The following CALN1 variants were observed in gnomAD, a reference collection of about 807,000 sequenced individuals.
CALN1 encodes the protein calcium-binding protein 8.
In CALN1, 17 loss-of-function variants were observed where a neutral mutation model predicts 30.6. That is an observed-to-expected ratio of 0.56 (90% CI 0.38 to 0.83). CALN1 has a LOEUF of 0.83. CALN1 is among the 40% of genes least tolerant of loss of function. The probability of loss-of-function intolerance (pLI) is 0.00; values close to 1 mark genes in which losing one functional copy is unlikely to be tolerated. For missense variants in CALN1, 291 were observed against 354.9 expected (o/e 0.82, Z 1.45); for synonymous variants, 156 against 131.4 (o/e 1.19, Z -1.28).
At chr7:71,831,254 GTGGATCA>G (rs1456496100) in intron 5 of CALN1, among the ~76,000 whole-genome samples, 1 of 152,170 alleles carries the variant, frequency 6.6e-6, no homozygotes, top group Non-Finnish European at 1.5e-5. Flanking sequence ...GCCGAGGCAG[GTGGATCA>G]TGAGATCAGG....
At chr7:72,280,853 A>T (rs1585348262) in intron 2 of CALN1, among the ~76,000 whole-genome samples, 1 of 152,124 alleles carries the variant, frequency 6.6e-6, no homozygotes, top group Admixed American at 6.5e-5. Context: ...TTATAAAAGG[A>T]TGAGTTCAGT....
intron 3 of CALN1, among the ~76,000 whole-genome samples, chr7:72,168,757 C>T (rs1455326454): frequency 1.3e-5 from 2 of 151,448 alleles, no homozygotes; most frequent in African/African-American, 4.8e-5. Flanking sequence ...TTTTGTGTCC[C>T]CTTTCTGAGA....
chr7:71,836,036 C>T (rs919401338), intron 5 of CALN1, among the ~76,000 whole-genome samples: 2 of 152,182 alleles, frequency 1.3e-5, no homozygotes, highest in African/African-American at 2.4e-5. Context: ...TCGGTCATGA[C>T]CTCTTGCACC....
chr7:72,426,933 C>T (rs1807817044), intron 1 of CALN1, among the ~76,000 whole-genome samples: 2 of 152,188 alleles, frequency 1.3e-5, no homozygotes, highest in South Asian at 4.1e-4. Context: ...TCTTCCCCCT[C>T]CCACAGGAGC....
intron 3 of CALN1, among the ~76,000 whole-genome samples, chr7:72,107,698 T>G (rs1393611685): frequency 6.6e-6 from 1 of 152,192 alleles, no homozygotes; most frequent in Non-Finnish European, 1.5e-5. Flanking sequence ...ATAAACCCAG[T>G]GCAAGCCCAG....
At chr7:72,486,410 C>T in the CALN1 span, among the ~76,000 whole-genome samples, 5 of 151,930 alleles carry the variant, frequency 3.3e-5, no homozygotes, top group African/African-American at 7.3e-5. Context: ...CTTGTTCTGT[C>T]GCCCAGGCTG....
At chr7:72,266,855 A>T (rs1796629564) in intron 3 of CALN1, among the ~76,000 whole-genome samples, 2 of 152,198 alleles carry the variant, frequency 1.3e-5, no homozygotes, top group Admixed American at 1.3e-4. Flanking sequence ...CTGCTAACAA[A>T]GCCTCACAAC....
At chr7:72,134,886 T>G (rs1809398234) in intron 3 of CALN1, among the ~76,000 whole-genome samples, 1 of 152,260 alleles carries the variant, frequency 6.6e-6, no homozygotes, top group South Asian at 2.1e-4. Context: ...TTTTAAGCCT[T>G]GCCACTGTTT....
At chr7:71,937,654 T>C (rs889619110) in intron 5 of CALN1, among the ~76,000 whole-genome samples, 1 of 151,980 alleles carries the variant, frequency 6.6e-6, no homozygotes, top group African/African-American at 2.4e-5. Context: ...AATTTTAAAA[T>C]GTTTTTGTAG....
At chr7:72,270,855 T>C (rs1043233069) in intron 3 of CALN1, among the ~76,000 whole-genome samples, 3 of 152,208 alleles carry the variant, frequency 2.0e-5, no homozygotes, top group Non-Finnish European at 4.4e-5. Context: ...TCCAATGGTA[T>C]CGAACTGAAC....
chr7:71,854,455 T>C (rs1392202253), intron 5 of CALN1, among the ~76,000 whole-genome samples: 4 of 152,140 alleles, frequency 2.6e-5, no homozygotes, highest in African/African-American at 9.7e-5. Flanking sequence ...ATCAGGAATG[T>C]GCTATTTATT....
chr7:72,293,709 C>T lies in CALN1; in HGVS notation c.120-14899G>A, dbSNP rs1457370030. On this transcript the variant is annotated intron_variant, in intron 2 of 6. Coordinates refer to ENST00000395275, the MANE Select transcript of CALN1 (RefSeq NM_031468.4). ...CTATGTTGATAGCAGAAAAAGCACC[C>T]ATGTTAGCTTAGGACACTGACAGAG... Among the ~76,000 whole-genome samples the T allele has an allele frequency of 2.0e-5, 3 of 152,106 alleles. No homozygotes were observed. In the East Asian group the frequency reaches 5.8e-4, roughly 29 times the overall value.
chr7:72,026,719 A>G (rs866045026), intron 4 of CALN1, among the ~76,000 whole-genome samples: 1 of 152,128 alleles, frequency 6.6e-6, no homozygotes, highest in Non-Finnish European at 1.5e-5. Flanking sequence ...CCTGACCTTA[A>G]TAACTTCATT....
intron 3 of CALN1, among the ~76,000 whole-genome samples, chr7:72,149,077 C>T (rs1369365901): frequency 6.6e-6 from 1 of 152,134 alleles, no homozygotes; most frequent in African/African-American, 2.4e-5. Flanking sequence ...TTTCCCTTCA[C>T]CTTCTGCCAT....
intron 3 of CALN1, among the ~76,000 whole-genome samples, chr7:72,184,998 TCTCA>T (rs2129546383): frequency 6.6e-6 from 1 of 152,000 alleles, no homozygotes; most frequent in African/African-American, 2.4e-5. Flanking sequence ...GAGATGAAGG[TCTCA>T]CTGTGTTGTC....
Position 71,930,230 on chromosome 7 carries a change from G to C in CALN1, c.501+93427C>G, listed in dbSNP as rs146047711. Reference sequence around the variant, plus strand: ...AACCCACGGATACAGAGTGCCAACTGTACTTACTGGTATCTGTCTTTTTCA... The same window carrying C: ...AACCCACGGATACAGAGTGCCAACTCTACTTACTGGTATCTGTCTTTTTCA... On this transcript the variant is annotated intron_variant, in intron 5 of 6. Coordinates refer to ENST00000395275, the MANE Select transcript of CALN1 (RefSeq NM_031468.4). Among the ~76,000 whole-genome samples the C allele has an allele frequency of 1.3e-3, 196 of 152,304 alleles. No homozygotes were observed. The Middle Eastern group carries it at 0.02, about 16-fold the overall frequency.
chr7:72,088,928 C>G (rs1035180581), intron 4 of CALN1, among the ~76,000 whole-genome samples: 6 of 151,896 alleles, frequency 4.0e-5, no homozygotes, highest in African/African-American at 1.5e-4. Flanking sequence ...TTGAAGTAGA[C>G]TTCCTGAAAA....
intron 2 of CALN1, among the ~76,000 whole-genome samples, chr7:72,376,520 A>AAT (rs1299364250): frequency 6.6e-6 from 1 of 152,202 alleles, no homozygotes; most frequent in Non-Finnish European, 1.5e-5. Context: ...TCTTTGGAGA[A>AAT]ATATCTACTC....
At chr7:72,043,763 A>C (rs1802281038) in intron 4 of CALN1, among the ~76,000 whole-genome samples, 1 of 152,162 alleles carries the variant, frequency 6.6e-6, no homozygotes, top group African/African-American at 2.4e-5. Flanking sequence ...AATAAAAAAG[A>C]GGTAAAGGGG....
Sources: gnomAD v4.1 joint callset for allele counts (sites outside exome capture counted in the v4.1 genomes callset) on GRCh38, gnomAD v4.1.1 for gene constraint, MANE v1.5 for transcripts, NCBI Gene and HGNC (gene_info 2026-07-23, HGNC 2026-07-21) for gene names.